LARP1B: variants seen among roughly 807,000 people sequenced by gnomAD.
The protein encoded by LARP1B is la-related protein 1B.
LARP1B carries 76 observed loss-of-function variants against 114.2 expected under a neutral mutation model. That is an observed-to-expected ratio of 0.67 (90% CI 0.55 to 0.81). The LOEUF (loss-of-function observed/expected upper bound fraction) is 0.81, where lower values mean the gene tolerates loss of function less well. Among genes scored for constraint, LARP1B ranks in the 30% least tolerant of loss-of-function variants. The pLI is 0.00. For missense variants in LARP1B, 1,014 were observed against 1,075.8 expected (o/e 0.94, Z 0.80); for synonymous variants, 345 against 348.0 (o/e 0.99, Z 0.10).
intron 15 of LARP1B, among the ~76,000 whole-genome samples, chr4:128,179,926 T>G (rs1471165950): frequency 6.6e-6 from 1 of 152,162 alleles, no homozygotes; most frequent in African/African-American, 2.4e-5. Context: ...TTTTCCCCCT[T>G]TTTTGAAAAT....
chr4:128,219,376 C>A, intron 6 of LARP1B, among the ~76,000 whole-genome samples: 1 of 75,450 alleles, frequency 1.3e-5, no homozygotes, highest in Non-Finnish European at 2.6e-5. Flanking sequence ...TTCACAATAG[C>A]AAAGACTTGG....
chr4:128,138,923 C>T (rs1229946498), intron 11 of LARP1B, among the ~76,000 whole-genome samples: 1 of 152,120 alleles, frequency 6.6e-6, no homozygotes, highest in Non-Finnish European at 1.5e-5. Context: ...CACTTCACTC[C>T]AGCCCGGGTG....
At position 128,166,423 on chromosome 4, in the gene LARP1B, C is replaced by T. The variant is rs1220665662; in HGVS notation, c.1648+4106C>T. On this transcript the variant is annotated intron_variant, in intron 12 of 19. Coordinates refer to ENST00000326639, the MANE Select transcript of LARP1B (RefSeq NM_018078.4). The stretch of plus-strand genomic sequence containing the variant: ...CCTAGCCTGTCTCCCTCCTTTCATT[C>T]TGATCACCCTACAAATATCCAGTTA... Among the ~76,000 whole-genome samples the T allele has an allele frequency of 3.3e-5, 5 of 151,914 alleles. No individual in the cohort carries two copies. The East Asian group carries it at 7.7e-4, about 23-fold the overall frequency.
In LARP1B at chr4:128,082,176, A is replaced by G; in HGVS notation, c.229A>G (p.Lys77Glu). Residue 77 changes from lysine (K) to glutamate (E), a missense_variant, in exon 5 of 20, where the codon AAG (lysine) becomes GAG (glutamate). By Grantham distance (56) the Lys-to-Glu change is moderately conservative. Coordinates refer to ENST00000326639, the MANE Select transcript of LARP1B (RefSeq NM_018078.4). ...TTGTTTTCTTCAAGCTAATAAGCACAAGTGGGTACCACTCCACTTAGATGT... is the reference window on the plus strand; with the variant it reads ...TTGTTTTCTTCAAGCTAATAAGCACGAGTGGGTACCACTCCACTTAGATGT... The part of the protein sequence containing the change: ...SNQRKRANKH[K>E]WVPLHLDVVR... 1 of 1,611,720 alleles carries G rather than the reference A, an allele frequency of 6.2e-7. No individual in the cohort carries two copies. Among genetic ancestry groups the G allele is most frequent in the Non-Finnish European group, 8.5e-7 (1 of 1,179,884 alleles).
intron 1 of LARP1B, among the ~76,000 whole-genome samples, chr4:128,062,776 A>C (rs1224179131): frequency 1.6e-5 from 1 of 63,016 alleles, no homozygotes; most frequent in Non-Finnish European, 3.0e-5. Context: ...TTATGGGGGG[A>C]GGGGGGAGGG....
chr4:128,129,998 T>G (rs1396354388), intron 11 of LARP1B, among the ~76,000 whole-genome samples: 1 of 152,054 alleles, frequency 6.6e-6, no homozygotes, highest in Non-Finnish European at 1.5e-5. Context: ...ATGAAAGAAA[T>G]AATAAGCTAG....
chr4:128,082,442 GT>G, intron 5 of LARP1B, 137 bp downstream of exon 5: 1 of 672,844 alleles, frequency 1.5e-6, no homozygotes, highest in Non-Finnish European at 2.6e-6. Context: ...TACCTTCAGG[GT>G]ATATTTCATA....
At chr4:128,073,299 C>G (rs1051364869) in intron 1 of LARP1B, among the ~76,000 whole-genome samples, 8 of 151,066 alleles carry the variant, frequency 5.3e-5, no homozygotes, top group Non-Finnish European at 8.8e-5. Flanking sequence ...GCCTGTAATC[C>G]CAGCTGCTTG....
intron 11 of LARP1B, among the ~76,000 whole-genome samples, chr4:128,142,189 A>G (rs1728356628): frequency 6.6e-6 from 1 of 152,220 alleles, no homozygotes; most frequent in African/African-American, 2.4e-5. Context: ...ACTATGTGCA[A>G]GTTCCACTGG....
chr4:128,083,268 T>A (rs1414370063), intron 5 of LARP1B, among the ~76,000 whole-genome samples: 1 of 151,744 alleles, frequency 6.6e-6, no homozygotes, highest in Admixed American at 6.6e-5. Context: ...TCCCCACCTT[T>A]CCCCCCTTTC....
intron 18 of LARP1B, 131 bp downstream of exon 18, chr4:128,206,668 T>C: frequency 7.2e-7 from 1 of 1,385,968 alleles, no homozygotes. Flanking sequence ...TATTGTTGTG[T>C]TTCTTGATGA....
intron 11 of LARP1B, among the ~76,000 whole-genome samples, chr4:128,129,493 T>A (rs1020905618): frequency 6.6e-6 from 1 of 152,200 alleles, no homozygotes; most frequent in African/African-American, 2.4e-5. Context: ...TAAATTGAGA[T>A]GCATTTAGTA....
In LARP1B at chr4:128,159,017, T is replaced by TAA. The variant is rs111692263; in HGVS notation, c.1525-3167_1525-3166dup. Among the ~76,000 whole-genome samples the TAA allele has an allele frequency of 2.5e-3, 364 of 146,744 alleles. 5 individuals are homozygous for TAA. The highest frequency in any genetic ancestry group is 2.5e-3 in the Non-Finnish European group (164 of 66,516). Reference sequence around the variant, plus strand: ...AGACTTCATCTCTTAAAAAAAAAATTAAAAAAAAAAATTAGCCTGTCATGG... The same window carrying TAA: ...AGACTTCATCTCTTAAAAAAAAAATTAAAAAAAAAAAAATTAGCCTGTCATGG... On this transcript the variant is annotated intron_variant, in intron 11 of 19. Coordinates refer to ENST00000326639, the MANE Select transcript of LARP1B (RefSeq NM_018078.4).
intron 11 of LARP1B, among the ~76,000 whole-genome samples, chr4:128,128,189 G>A (rs747036512): frequency 3.3e-5 from 5 of 152,164 alleles, no homozygotes; most frequent in Non-Finnish European, 7.3e-5. Context: ...AATAAAATGT[G>A]TAAAATCTTC....
chr4:128,124,726 G>A (rs909586359), intron 11 of LARP1B, among the ~76,000 whole-genome samples: 7 of 152,104 alleles, frequency 4.6e-5, no homozygotes, highest in African/African-American at 1.4e-4. Context: ...TGAATTGGTC[G>A]GCCAAGACAA....
At chr4:128,070,752 A>G (rs1318592785) in intron 1 of LARP1B, among the ~76,000 whole-genome samples, 1 of 152,018 alleles carries the variant, frequency 6.6e-6, no homozygotes, top group Non-Finnish European at 1.5e-5. Context: ...GTTTGAGGAC[A>G]GGAATTTGAG....
Position 128,167,630 on chromosome 4 carries a change from A to T in LARP1B, c.1648+5313A>T, listed in dbSNP as rs199859743. ...CCTGAGCTTTGTGGGTCATATTTTT[A>T]AAAAAATTAAGATATAGTTTACATT... On this transcript the variant is annotated intron_variant, in intron 12 of 19. Coordinates refer to ENST00000326639, the MANE Select transcript of LARP1B (RefSeq NM_018078.4). Among the ~76,000 whole-genome samples the T allele has an allele frequency of 6.2e-4, 94 of 152,022 alleles. 1 individual carries two copies. The highest frequency in any genetic ancestry group is 5.8e-3 in the South Asian group (28 of 4,826).
chr4:128,086,741 C>T (rs984711592), intron 5 of LARP1B, among the ~76,000 whole-genome samples: 9 of 152,084 alleles, frequency 5.9e-5, no homozygotes, highest in African/African-American at 2.2e-4. Context: ...ATTTCACTTT[C>T]AGTTGTGTTA....
chr4:128,098,766 T>C (rs1580337825), intron 8 of LARP1B, among the ~76,000 whole-genome samples: 1 of 41,560 alleles, frequency 2.4e-5, no homozygotes, highest in South Asian at 8.9e-4. Context: ...TATATATATA[T>C]ATTTTTTTTT....
Sources: gnomAD v4.1 joint callset for allele counts (sites outside exome capture counted in the v4.1 genomes callset) on GRCh38, gnomAD v4.1.1 for gene constraint, MANE v1.5 for transcripts, NCBI Gene and HGNC (gene_info 2026-07-23, HGNC 2026-07-21) for gene names.